The following ADGRB3 variants were observed in gnomAD, a reference collection of about 807,000 sequenced individuals.
ADGRB3 encodes the protein adhesion G protein-coupled receptor B3, also known as brain-specific angiogenesis inhibitor 3.
A neutral mutation model predicts 193.4 loss-of-function variants in ADGRB3; 37 were observed. That is an observed-to-expected ratio of 0.19 (90% CI 0.15 to 0.25). The LOEUF is 0.25. Among genes scored for constraint, ADGRB3 ranks in the 10% least tolerant of loss-of-function variants. ADGRB3 has a pLI of 1.00. For missense variants in ADGRB3, 1,637 were observed against 1,852.9 expected (o/e 0.88, Z 2.14); for synonymous variants, 690 against 644.2 (o/e 1.07, Z -1.08).
intron 6 of ADGRB3, among the ~76,000 whole-genome samples, chr6:68,955,278 A>G (rs1420285052): frequency 1.3e-5 from 2 of 152,178 alleles, no homozygotes; most frequent in South Asian, 2.1e-4. Context: ...TTATCTCACA[A>G]TGTCCTGAAA....
chr6:69,267,841 T>C (rs1010726124), intron 20 of ADGRB3, among the ~76,000 whole-genome samples: 2 of 152,138 alleles, frequency 1.3e-5, no homozygotes, highest in East Asian at 3.8e-4. Context: ...TCCCGACATC[T>C]TGGGAAAAGC....
intron 17 of ADGRB3, among the ~76,000 whole-genome samples, chr6:69,084,006 C>T (rs1051006275): frequency 6.6e-6 from 1 of 151,954 alleles, no homozygotes; most frequent in African/African-American, 2.4e-5. Flanking sequence ...AAGACCTGAC[C>T]TCAAGTGATT....
At chr6:69,297,508 A>G (rs1468543926) in intron 20 of ADGRB3, among the ~76,000 whole-genome samples, 2 of 151,836 alleles carry the variant, frequency 1.3e-5, no homozygotes, top group Non-Finnish European at 2.9e-5. Flanking sequence ...CAAAGGTGAT[A>G]GCTCCAAGCT....
intron 3 of ADGRB3, among the ~76,000 whole-genome samples, chr6:68,915,561 A>C (rs1446155096): frequency 6.6e-6 from 1 of 152,216 alleles, no homozygotes; most frequent in Non-Finnish European, 1.5e-5. Context: ...TAAATGGCTA[A>C]GAATTGGGAT....
At chr6:69,011,133 A>ATGTGTGTGTGTGTG (rs1312979149) in intron 11 of ADGRB3, among the ~76,000 whole-genome samples, 1 of 97,162 alleles carries the variant, frequency 1.0e-5, no homozygotes, top group African/African-American at 4.7e-5. Context: ...ATATACATAT[A>ATGTGTGTGTGTGTG]TATGTGTGTG....
chr6:69,239,075 A>C (rs761939036), intron 19 of ADGRB3, 49 bp from the exon 20 acceptor site: 16 of 1,118,290 alleles, frequency 1.4e-5, no homozygotes, highest in Non-Finnish European at 2.0e-5. Context: ...ATAATTCTTC[A>C]TCTTTCTGTT....
chr6:68,814,570 A>G (rs1767588042), intron 3 of ADGRB3, among the ~76,000 whole-genome samples: 1 of 152,120 alleles, frequency 6.6e-6, no homozygotes, highest in Non-Finnish European at 1.5e-5. Flanking sequence ...CCATTTGTCA[A>G]TTTTGGCTTT....
intron 3 of ADGRB3, among the ~76,000 whole-genome samples, chr6:68,651,015 G>A (rs539999147): frequency 6.6e-6 from 1 of 152,208 alleles, no homozygotes; most frequent in African/African-American, 2.4e-5. Flanking sequence ...AGGGCAACTT[G>A]GGAAGACAAA....
At chr6:68,685,836 T>G (rs1333873416) in intron 3 of ADGRB3, among the ~76,000 whole-genome samples, 1 of 151,982 alleles carries the variant, frequency 6.6e-6, no homozygotes, top group African/African-American at 2.4e-5. Flanking sequence ...GAGGTTGCAG[T>G]GAGCCAAGAT....
chr6:68,960,376 G>A (rs1223062246), intron 8 of ADGRB3, among the ~76,000 whole-genome samples: 2 of 152,110 alleles, frequency 1.3e-5, no homozygotes, highest in Non-Finnish European at 2.9e-5. Context: ...TTATTGTGAT[G>A]TTTATCTATA....
At chr6:68,798,520 G>A (rs1268375332) in intron 3 of ADGRB3, among the ~76,000 whole-genome samples, 2 of 150,808 alleles carry the variant, frequency 1.3e-5, no homozygotes, top group Non-Finnish European at 3.0e-5. Context: ...ACATCACACA[G>A]TGGGGCCTGT....
intron 13 of ADGRB3, among the ~76,000 whole-genome samples, chr6:69,040,375 TTCCTTCTCTC>T (rs66975320): frequency 0.035 from 1,739 of 49,418 alleles, 115 homozygotes; most frequent in East Asian, 0.25. Flanking sequence ...CTTTCTTTCT[TTCCTTCTCTC>T]TCTTTCTTTC....
intron 20 of ADGRB3, among the ~76,000 whole-genome samples, chr6:69,252,948 C>A (rs1310060288): frequency 2.6e-5 from 4 of 151,918 alleles, no homozygotes; most frequent in Non-Finnish European, 5.9e-5. Flanking sequence ...ATCTATGTCT[C>A]GAACAAAATT....
At chr6:69,356,776 T>G (rs1273247967) in intron 28 of ADGRB3, among the ~76,000 whole-genome samples, 1 of 152,160 alleles carries the variant, frequency 6.6e-6, no homozygotes, top group African/African-American at 2.4e-5. Flanking sequence ...AGAGAAGCTC[T>G]GCAGCACGTC....
chr6:68,738,263 G>C (rs71555394), intron 3 of ADGRB3, among the ~76,000 whole-genome samples: 1 of 152,190 alleles, frequency 6.6e-6, no homozygotes, highest in Non-Finnish European at 1.5e-5. Context: ...TGAGATCTCA[G>C]TGGTGAGGAG....
intron 3 of ADGRB3, among the ~76,000 whole-genome samples, chr6:68,720,187 G>T (rs1232468880): frequency 6.6e-6 from 1 of 151,678 alleles, no homozygotes; most frequent in Non-Finnish European, 1.5e-5. Flanking sequence ...TGCATATGAT[G>T]AAATGGAGTA....
At chr6:68,812,860 T>A (rs1210918020) in intron 3 of ADGRB3, among the ~76,000 whole-genome samples, 1 of 151,080 alleles carries the variant, frequency 6.6e-6, no homozygotes, top group Non-Finnish European at 1.5e-5. Flanking sequence ...GTGTGTGATG[T>A]TCCCCTCCCT....
At chr6:69,232,255 T>C (rs1255265686) in intron 17 of ADGRB3, among the ~76,000 whole-genome samples, 1 of 147,520 alleles carries the variant, frequency 6.8e-6, no homozygotes, top group Non-Finnish European at 1.5e-5. Context: ...AGTTGATTGG[T>C]TGAGCTCTAT....
intron 20 of ADGRB3, among the ~76,000 whole-genome samples, chr6:69,277,975 T>C (rs1767338203): frequency 6.6e-6 from 1 of 152,262 alleles, no homozygotes; most frequent in African/African-American, 2.4e-5. Context: ...ATTTCATTAC[T>C]GCACTCTATA....
Sources: gnomAD v4.1 joint callset for allele counts (sites outside exome capture counted in the v4.1 genomes callset) on GRCh38, gnomAD v4.1.1 for gene constraint, MANE v1.5 for transcripts, NCBI Gene and HGNC (gene_info 2026-07-23, HGNC 2026-07-21) for gene names.